DYM: variants seen among roughly 807,000 people sequenced by gnomAD.
DYM encodes the protein dyggve-Melchior-Clausen syndrome protein.
A neutral mutation model predicts 93.1 loss-of-function variants in DYM; 78 were observed. The observed-to-expected ratio is 0.84, with a 90% CI of 0.70 to 1.01. The LOEUF (loss-of-function observed/expected upper bound fraction) is 1.01, where lower values mean the gene tolerates loss of function less well. Among genes scored for constraint, DYM ranks in the 50% least tolerant of loss-of-function variants. The pLI is 0.00. For missense variants in DYM, 789 were observed against 845.0 expected, an observed-to-expected ratio of 0.93 and a Z score of 0.82; for synonymous variants, 321 against 319.7, an observed-to-expected ratio of 1.00 and a Z score of -0.04.
At chr18:49,292,367 C>G (rs1184100826) in intron 8 of DYM, among the ~76,000 whole-genome samples, 21 of 145,612 alleles carry the variant, frequency 1.4e-4, no homozygotes, top group African/African-American at 4.1e-4. Context: ...CACACACACA[C>G]ACACACACAC....
intron 2 of DYM, among the ~76,000 whole-genome samples, chr18:49,409,420 G>C (rs6507908): frequency 0.94 from 143,005 of 152,280 alleles, 67,224 homozygotes; most frequent in East Asian, 1. Flanking sequence ...CAAATGTCAT[G>C]AGCCACAATT....
At chr18:49,426,197 C>T (rs1221193678) in intron 2 of DYM, among the ~76,000 whole-genome samples, 3 of 151,984 alleles carry the variant, frequency 2.0e-5, no homozygotes, top group Admixed American at 6.6e-5. Flanking sequence ...ACATATACAG[C>T]AGGGAATACT....
intron 2 of DYM, among the ~76,000 whole-genome samples, chr18:49,392,533 T>A (rs914190801): frequency 6.6e-6 from 1 of 151,898 alleles, no homozygotes; most frequent in Non-Finnish European, 1.5e-5. Context: ...AATTTTAAAA[T>A]GGACCAACGA....
chr18:49,242,581 G>C (rs564282159), intron 13 of DYM, among the ~76,000 whole-genome samples: 104 of 152,286 alleles, frequency 6.8e-4, no homozygotes, highest in Non-Finnish European at 1.2e-3. Context: ...TTAATACATG[G>C]TTTATTTTCA....
chr18:49,077,428 G>C (rs149019773), intron 17 of DYM, among the ~76,000 whole-genome samples: 20 of 152,258 alleles, frequency 1.3e-4, no homozygotes, highest in African/African-American at 3.6e-4. Context: ...TCTTGGTAAG[G>C]GTGTTATATA....
Position 49,080,150 on chromosome 18 carries a change from C to CGGGGGA in DYM, c.2025+17251_2025+17252insTCCCCC, listed in dbSNP as rs1555742970. ...CTCCCTCCCGGACGGGGCGGCTGGC[C>CGGGGGA]GGGGGGGGGCTGACCCCCCCACCTC... On this transcript the variant is annotated intron_variant, in intron 17 of 17. Coordinates refer to ENST00000675505, the MANE Select transcript of DYM (RefSeq NM_001353214.3). 2.0e-4 allele frequency among the ~76,000 whole-genome samples: 2 copies of CGGGGGA among 10,132 alleles called. 1 individual carries two copies. Among genetic ancestry groups the CGGGGGA allele is most frequent in the Non-Finnish European group, 3.8e-4 (2 of 5,314 alleles). The allele number at this position is 10,132 out of a possible 152,430, so 6.6% of individuals were successfully genotyped here.
chr18:49,230,507 G>C (rs553523883), intron 13 of DYM, among the ~76,000 whole-genome samples: 1 of 152,254 alleles, frequency 6.6e-6, no homozygotes, highest in Admixed American at 6.5e-5. Flanking sequence ...TGCCATGACA[G>C]AGACTTGTTA....
intron 17 of DYM, among the ~76,000 whole-genome samples, chr18:49,047,806 T>G (rs998332157): frequency 6.6e-6 from 1 of 152,140 alleles, no homozygotes; most frequent in Non-Finnish European, 1.5e-5. Context: ...TGATGTTCTT[T>G]TCTGTGAAAA....
At chr18:49,056,361 G>T (rs1260274828) in intron 17 of DYM, among the ~76,000 whole-genome samples, 5 of 152,200 alleles carry the variant, frequency 3.3e-5, no homozygotes, top group African/African-American at 1.2e-4. Context: ...CAAGGGACAG[G>T]TGATGTGATC....
At chr18:49,348,890 A>G (rs1310682380) in intron 6 of DYM, among the ~76,000 whole-genome samples, 1 of 136,064 alleles carries the variant, frequency 7.3e-6, no homozygotes, top group African/African-American at 2.7e-5. Flanking sequence ...GCCGGGTAAC[A>G]GAGTGAGACT....
chr18:49,418,625 C>G (rs1301152500), intron 2 of DYM, among the ~76,000 whole-genome samples: 2 of 152,140 alleles, frequency 1.3e-5, no homozygotes, highest in African/African-American at 4.8e-5. Context: ...TTTTTGGCTA[C>G]AAAAATGGAC....
chr18:49,373,311 G>C (rs1367303617), intron 5 of DYM, among the ~76,000 whole-genome samples: 5 of 152,116 alleles, frequency 3.3e-5, no homozygotes, highest in African/African-American at 1.2e-4. Context: ...TCCAGAGACA[G>C]AGCAGTCCCC....
rs573972808 is a variant in DYM at position 49,404,076 on chromosome 18, C to T, written c.141-12431G>A. Among the ~76,000 whole-genome samples, 121 of 152,034 alleles carry T rather than the reference C, an allele frequency of 8.0e-4. 1 individual carries two copies. Among genetic ancestry groups the T allele is most frequent in the African/African-American group, 2.6e-3 (108 of 41,456 alleles). ...AGGCTGGAGTGCAATGGCACAATCT[C>T]GGCTCACTGCAACCTCCGCCTCCCG... is the stretch of plus-strand genomic sequence containing the variant. On this transcript the variant is annotated intron_variant, in intron 2 of 17. Coordinates refer to ENST00000675505, the MANE Select transcript of DYM (RefSeq NM_001353214.3).
intron 14 of DYM, among the ~76,000 whole-genome samples, chr18:49,168,871 G>A (rs1051093998): frequency 1.3e-5 from 2 of 152,114 alleles, no homozygotes; most frequent in African/African-American, 4.8e-5. Context: ...GGGAGGAAGA[G>A]TAATTCAGAA....
intron 8 of DYM, 117 bp from the exon 9 acceptor site, chr18:49,286,733 C>A (rs929093551): frequency 4.9e-6 from 5 of 1,022,394 alleles, no homozygotes; most frequent in Non-Finnish European, 7.5e-6. Context: ...AAGTGTAGAA[C>A]AAGAATCATG....
chr18:49,101,433 C>T (rs950927775), intron 16 of DYM, among the ~76,000 whole-genome samples: 5 of 152,156 alleles, frequency 3.3e-5, no homozygotes, highest in African/African-American at 1.2e-4. Flanking sequence ...ACTGATTAAT[C>T]AGTTGTTTAC....
chr18:49,391,712 A>T, intron 2 of DYM, 67 bp from the exon 3 acceptor site: 1 of 1,315,306 alleles, frequency 7.6e-7, no homozygotes, highest in Non-Finnish European at 1.1e-6. Context: ...CTAATCAGTT[A>T]AAGAAATATA....
chr18:49,394,318 C>T (rs1034057588), intron 2 of DYM, among the ~76,000 whole-genome samples: 4 of 151,932 alleles, frequency 2.6e-5, no homozygotes, highest in Non-Finnish European at 4.4e-5. Flanking sequence ...TATATGATAT[C>T]GATAAAGCAC....
chr18:49,391,668 G>GT, intron 2 of DYM, 23 bp from the exon 3 acceptor site: 1 of 1,596,734 alleles, frequency 6.3e-7, no homozygotes, highest in Admixed American at 1.7e-5. Context: ...AAGAATAAAG[G>GT]TAATTAATGA....
Sources: gnomAD v4.1 joint callset for allele counts (sites outside exome capture counted in the v4.1 genomes callset) on GRCh38, gnomAD v4.1.1 for gene constraint, MANE v1.5 for transcripts, NCBI Gene and HGNC (gene_info 2026-07-23, HGNC 2026-07-21) for gene names.